SLC4A10: variants seen among roughly 807,000 people sequenced by gnomAD.
The protein encoded by SLC4A10 is sodium-driven chloride bicarbonate exchanger.
In SLC4A10, 42 loss-of-function variants were observed where a neutral mutation model predicts 137.7. That is an observed-to-expected ratio of 0.30 (90% confidence interval 0.24 to 0.39). SLC4A10 has a LOEUF of 0.39. Among genes scored for constraint, SLC4A10 ranks in the 10% least tolerant of loss-of-function variants. The pLI, the probability that SLC4A10 is intolerant of heterozygous loss-of-function variation, is 1.00. For synonymous variants in SLC4A10, 474 were observed against 464.1 expected (o/e 1.02, Z -0.27); for missense variants, 925 against 1,355.0 (o/e 0.68, Z 4.98).
intron 1 of SLC4A10, among the ~76,000 whole-genome samples, chr2:161,715,968 T>G (rs2044823106): frequency 6.6e-6 from 1 of 152,200 alleles, no homozygotes. Flanking sequence ...AAAGTGTTTC[T>G]GTTTCTCCAC....
chr2:161,721,609 C>T (rs1188164512), intron 1 of SLC4A10, among the ~76,000 whole-genome samples: 1 of 152,090 alleles, frequency 6.6e-6, no homozygotes, highest in Admixed American at 6.6e-5. Flanking sequence ...TCTCTGGCTG[C>T]CCTTAACATT....
intron 2 of SLC4A10, among the ~76,000 whole-genome samples, chr2:161,789,382 G>C (rs1187129966): frequency 1.3e-5 from 2 of 152,050 alleles, no homozygotes; most frequent in Non-Finnish European, 2.9e-5. Flanking sequence ...TTCCTTGTCT[G>C]CACCCCAGTT....
In SLC4A10 at chr2:161,748,134, G is replaced by C. The variant is rs2048568865; in HGVS notation, c.49-22839G>C. Among the ~76,000 whole-genome samples the C allele has an allele frequency of 1.3e-5, 2 of 152,112 alleles. 1 individual carries two copies. The highest frequency in any genetic ancestry group is 4.2e-4 in the South Asian group (2 of 4,808). The stretch of plus-strand genomic sequence containing the variant: ...AGTTATTTGGGGGGTTTTTGCTATT[G>C]AGTTGTGTAAGTTCCTTATATATTT... On this transcript the variant is annotated intron_variant, in intron 1 of 26. Coordinates refer to ENST00000446997, the MANE Select transcript of SLC4A10 (RefSeq NM_001178015.2).
intron 1 of SLC4A10, among the ~76,000 whole-genome samples, chr2:161,699,213 G>C (rs1364523559): frequency 2.6e-5 from 4 of 152,040 alleles, no homozygotes; most frequent in African/African-American, 9.7e-5. Flanking sequence ...GTAGAGACGG[G>C]GTTTCACTGT....
rs1386424194 is a variant in SLC4A10 at position 161,973,411 on chromosome 2, A to G, written c.3160-838A>G. 2.0e-5 allele frequency among the ~76,000 whole-genome samples: 3 copies of G among 152,342 alleles called. No individual in the cohort carries two copies. The East Asian group carries it at 5.8e-4, about 29-fold the overall frequency. On this transcript the variant is annotated intron_variant, in intron 23 of 26. Transcript: ENST00000446997. ...AATTTTCCAGTATGGTGGCCATAAG[A>G]TTATCTTCATCCCAAAGATTTAGTT...
At chr2:161,795,369 G>A (rs545081671) in intron 2 of SLC4A10, among the ~76,000 whole-genome samples, 1 of 151,970 alleles carries the variant, frequency 6.6e-6, no homozygotes, top group African/African-American at 2.4e-5. Flanking sequence ...TGGGGCAATT[G>A]CTTTTTTTGT....
chr2:161,679,969 A>G (rs1449394031), intron 1 of SLC4A10, among the ~76,000 whole-genome samples: 9 of 151,954 alleles, frequency 5.9e-5, no homozygotes, highest in African/African-American at 2.2e-4. Context: ...CACCTCTCCC[A>G]AGTGTACATG....
chr2:161,775,784 A>G (rs547086884), intron 2 of SLC4A10, among the ~76,000 whole-genome samples: 99 of 151,946 alleles, frequency 6.5e-4, no homozygotes, highest in Admixed American at 2.5e-3. Flanking sequence ...TTAAAATTTA[A>G]TGGATATTTT....
intron 8 of SLC4A10, among the ~76,000 whole-genome samples, chr2:161,877,779 T>G (rs754176756): frequency 5.9e-5 from 9 of 152,056 alleles, no homozygotes; most frequent in Non-Finnish European, 1.2e-4. Flanking sequence ...TTAGATATTT[T>G]TATAGGCAGT....
intron 15 of SLC4A10, among the ~76,000 whole-genome samples, chr2:161,942,029 G>C (rs1348840784): frequency 6.6e-6 from 1 of 152,134 alleles, no homozygotes; most frequent in African/African-American, 2.4e-5. Flanking sequence ...TCCTGATGTA[G>C]AAGGCAGAAG....
intron 1 of SLC4A10, among the ~76,000 whole-genome samples, chr2:161,695,357 A>G (rs1254011396): frequency 6.6e-6 from 1 of 151,998 alleles, no homozygotes; most frequent in Non-Finnish European, 1.5e-5. Context: ...TATACCCAAT[A>G]CTAGTTGTTC....
chr2:161,716,758 C>CA lies in SLC4A10; in HGVS notation c.49-54215_49-54214insA, dbSNP rs1244394013. On this transcript the variant is annotated intron_variant, in intron 1 of 26. Coordinates refer to ENST00000446997, the MANE Select transcript of SLC4A10 (RefSeq NM_001178015.2). ...GTAGGGTGATGTTGCCAGCTTTATT[C>CA]TTTTTTCCTTAGGATTGTCTTGACT... is the stretch of plus-strand genomic sequence containing the variant. Among the ~76,000 whole-genome samples, 2 of 151,906 alleles carry CA rather than the reference C, an allele frequency of 1.3e-5. 1 individual carries two copies. Among genetic ancestry groups the CA allele is most frequent in the Non-Finnish European group, 2.9e-5 (2 of 67,966 alleles).
chr2:161,872,245 C>A, intron 6 of SLC4A10, 48 bp from the exon 7 acceptor site: 1 of 1,465,510 alleles, frequency 6.8e-7, no homozygotes, highest in Non-Finnish European at 9.6e-7. Flanking sequence ...AGTATGTCTA[C>A]AACTATGTAA....
intron 3 of SLC4A10, among the ~76,000 whole-genome samples, chr2:161,811,574 T>G (rs1447457478): frequency 6.6e-6 from 1 of 152,064 alleles, no homozygotes; most frequent in East Asian, 1.9e-4. Flanking sequence ...GTGTATCTTT[T>G]TTGACATTTG....
At chr2:161,753,075 A>G (rs1297373404) in intron 1 of SLC4A10, among the ~76,000 whole-genome samples, 1 of 152,198 alleles carries the variant, frequency 6.6e-6, no homozygotes, top group South Asian at 2.1e-4. Flanking sequence ...AAGGAGGATA[A>G]AATGAAGTAT....
intron 1 of SLC4A10, among the ~76,000 whole-genome samples, chr2:161,725,182 A>C (rs2046088434): frequency 6.6e-6 from 1 of 152,168 alleles, no homozygotes; most frequent in African/African-American, 2.4e-5. Flanking sequence ...AGGTGCTTTA[A>C]AGTGAAATTG....
intron 1 of SLC4A10, among the ~76,000 whole-genome samples, chr2:161,768,688 C>A (rs2051195902): frequency 6.6e-6 from 1 of 151,956 alleles, no homozygotes; most frequent in Non-Finnish European, 1.5e-5. Flanking sequence ...TCTAGTGACA[C>A]CTTGATCAAC....
Position 161,841,035 on chromosome 2 carries a change from C to T in SLC4A10, c.416+1108C>T, listed in dbSNP as rs141709594. Among the ~76,000 whole-genome samples, 539 of 152,068 alleles carry T rather than the reference C, an allele frequency of 3.5e-3. 3 individuals carry two copies. The highest frequency in any genetic ancestry group is 0.012 in the African/African-American group (499 of 41,484). ...AGTATTCTAGGCAGAGATAGCAGGA[C>T]GTGCTTAAATATATCATTGACACAG... On this transcript the variant is annotated intron_variant, in intron 4 of 26. Transcript: ENST00000446997.
At chr2:161,836,318 CA>C in intron 3 of SLC4A10, among the ~76,000 whole-genome samples, 1 of 151,582 alleles carries the variant, frequency 6.6e-6, no homozygotes, top group East Asian at 1.9e-4. Flanking sequence ...GCCAACATGG[CA>C]AAACCCCATC....
Sources: gnomAD v4.1 joint callset for allele counts (sites outside exome capture counted in the v4.1 genomes callset) on GRCh38, gnomAD v4.1.1 for gene constraint, MANE v1.5 for transcripts, NCBI Gene and HGNC (gene_info 2026-07-23, HGNC 2026-07-21) for gene names.